CNTNAP2: variants seen among roughly 807,000 people sequenced by gnomAD.
CNTNAP2 encodes contactin-associated protein-like 2.
Under a neutral mutation model 155.2 loss-of-function variants are expected in CNTNAP2, and 98 were observed. The ratio of observed to expected loss-of-function variants is 0.63; its 90% CI spans 0.54 to 0.75. The LOEUF (loss-of-function observed/expected upper bound fraction) is 0.75. Ranked by LOEUF, CNTNAP2 falls within the 30% of genes least tolerant of loss-of-function variation. CNTNAP2 has a pLI of 0.00. For missense variants in CNTNAP2, 1,727 were observed against 1,688.1 expected, an observed-to-expected ratio of 1.02 and a Z score of -0.40; for synonymous variants, 651 against 631.2, an observed-to-expected ratio of 1.03 and a Z score of -0.47.
chr7:146,863,128 G>A (rs1795137262), intron 3 of CNTNAP2, among the ~76,000 whole-genome samples: 1 of 152,098 alleles, frequency 6.6e-6, no homozygotes, highest in Admixed American at 6.6e-5. Context: ...TTATGTCAAA[G>A]TATAGAATGA....
chr7:148,097,914 C>A (rs892733970), intron 15 of CNTNAP2, among the ~76,000 whole-genome samples: 1 of 152,084 alleles, frequency 6.6e-6, no homozygotes, highest in Non-Finnish European at 1.5e-5. Context: ...TCAGGATAAG[C>A]AAGCAGTACA....
intron 1 of CNTNAP2, among the ~76,000 whole-genome samples, chr7:146,338,867 T>A (rs935565517): frequency 6.7e-6 from 1 of 150,366 alleles, no homozygotes; most frequent in Non-Finnish European, 1.5e-5. Context: ...CTATATTAGA[T>A]ACAGAAAAGA....
chr7:147,868,758 G>A (rs1475561977), intron 13 of CNTNAP2, among the ~76,000 whole-genome samples: 1 of 152,220 alleles, frequency 6.6e-6, no homozygotes, highest in African/African-American at 2.4e-5. Context: ...AAGGCTCCAT[G>A]GGCATGGGAC....
intron 1 of CNTNAP2, among the ~76,000 whole-genome samples, chr7:146,163,403 G>T (rs777549013): frequency 2.0e-5 from 3 of 149,982 alleles, no homozygotes; most frequent in Admixed American, 6.7e-5. Context: ...GTGAAACTCC[G>T]TCTCTACTAA....
chr7:147,389,848 A>T (rs1174258336), intron 9 of CNTNAP2, among the ~76,000 whole-genome samples: 1 of 152,216 alleles, frequency 6.6e-6, no homozygotes, highest in Admixed American at 6.5e-5. Context: ...AGATATAACA[A>T]AAATACGCAA....
At chr7:148,146,512 T>G (rs1805181462) in intron 16 of CNTNAP2, among the ~76,000 whole-genome samples, 1 of 152,238 alleles carries the variant, frequency 6.6e-6, no homozygotes, top group Admixed American at 6.5e-5. Flanking sequence ...TGCCAATTGT[T>G]GAGAGGTGAC....
At chr7:148,268,324 C>T (rs1363541978) in intron 21 of CNTNAP2, among the ~76,000 whole-genome samples, 1 of 151,862 alleles carries the variant, frequency 6.6e-6, no homozygotes, top group Non-Finnish European at 1.5e-5. Flanking sequence ...CGGCAGGGGT[C>T]ACAAAATGAG....
At chr7:147,477,087 C>T (rs939059080) in intron 10 of CNTNAP2, among the ~76,000 whole-genome samples, 17 of 151,954 alleles carry the variant, frequency 1.1e-4, no homozygotes, top group Admixed American at 5.2e-4. Flanking sequence ...TTTCTTGTAT[C>T]TTTTTGTTAT....
At chr7:148,207,172 A>G (rs558033495) in intron 18 of CNTNAP2, among the ~76,000 whole-genome samples, 1 of 152,388 alleles carries the variant, frequency 6.6e-6, no homozygotes, top group East Asian at 1.9e-4. Flanking sequence ...TACTTGTTGG[A>G]ATAAAGTTAT....
intron 15 of CNTNAP2, among the ~76,000 whole-genome samples, chr7:148,035,163 T>G (rs1427309788): frequency 6.6e-6 from 1 of 152,146 alleles, no homozygotes; most frequent in Non-Finnish European, 1.5e-5. Flanking sequence ...AGCAGAAAGA[T>G]TTGGGAAATC....
rs575767747 is a variant in CNTNAP2 at position 146,532,163 on chromosome 7, T to C, written c.98-242108T>C. 2.0e-5 allele frequency among the ~76,000 whole-genome samples: 3 copies of C among 152,308 alleles called. No individual in the cohort carries two copies. In the East Asian group the frequency reaches 5.8e-4, roughly 29 times the overall value. ...AGAGAAATGAAAATAAATTATACTTTGATTCCTTCTTAACATGACAACAAA... is the reference window on the plus strand; with the variant it reads ...AGAGAAATGAAAATAAATTATACTTCGATTCCTTCTTAACATGACAACAAA... On this transcript the variant is annotated intron_variant, in intron 1 of 23. Transcript: ENST00000361727.
chr7:146,941,359 A>T (rs1797052648), intron 3 of CNTNAP2, among the ~76,000 whole-genome samples: 1 of 152,170 alleles, frequency 6.6e-6, no homozygotes, highest in African/African-American at 2.4e-5. Flanking sequence ...TTTGATCACA[A>T]AAAAGCAACT....
intron 8 of CNTNAP2, among the ~76,000 whole-genome samples, chr7:147,227,038 T>G (rs1327464157): frequency 2.6e-5 from 4 of 151,970 alleles, no homozygotes; most frequent in African/African-American, 9.7e-5. Context: ...ACAAATAAAG[T>G]AAGGAAGGGG....
rs548220734 is a variant in CNTNAP2, at chr7:147,237,049, C to CTTTTTTTTTTTTTT, written c.1349-63069_1349-63056dup. ...CCACTTCCTTTAGCCTTCACCTCCT[C>CTTTTTTTTTTTTTT]TTTTTTTTTTTTTTTTTTTTTTTTT... On this transcript the variant is annotated intron_variant, in intron 8 of 23. Transcript: ENST00000361727. Among the ~76,000 whole-genome samples, 44 of 57,476 alleles carry CTTTTTTTTTTTTTT rather than the reference C, an allele frequency of 7.7e-4. 10 individuals are homozygous for CTTTTTTTTTTTTTT. The highest frequency in any genetic ancestry group is 9.1e-4 in the Non-Finnish European group (27 of 29,592). The allele number at this position is 57,476 out of a possible 152,430, so 37.7% of individuals were successfully genotyped here.
At chr7:147,422,931 AT>A (rs1166701821) in intron 10 of CNTNAP2, among the ~76,000 whole-genome samples, 6 of 152,236 alleles carry the variant, frequency 3.9e-5, no homozygotes, top group African/African-American at 1.4e-4. Flanking sequence ...ACTTTACTGC[AT>A]ACAAGTTGGC....
chr7:147,150,818 TAATAAAGAA>T (rs1197722023), intron 8 of CNTNAP2, among the ~76,000 whole-genome samples: 1 of 152,006 alleles, frequency 6.6e-6, no homozygotes, highest in Non-Finnish European at 1.5e-5. Flanking sequence ...TCACACTGTA[TAATAAAGAA>T]AATAAACTGG....
chr7:146,208,367 C>G (rs992138100), intron 1 of CNTNAP2, among the ~76,000 whole-genome samples: 1 of 152,084 alleles, frequency 6.6e-6, no homozygotes, highest in South Asian at 2.1e-4. Context: ...ATATTTCACT[C>G]TCTTCTGTCA....
At chr7:147,042,977 G>A (rs1044517474) in intron 3 of CNTNAP2, among the ~76,000 whole-genome samples, 1 of 152,056 alleles carries the variant, frequency 6.6e-6, no homozygotes, top group Non-Finnish European at 1.5e-5. Flanking sequence ...ATATGAAGCT[G>A]AAACTGCTCA....
intron 16 of CNTNAP2, among the ~76,000 whole-genome samples, chr7:148,147,228 T>C (rs192524743): frequency 3.0e-4 from 45 of 152,342 alleles, no homozygotes; most frequent in Middle Eastern, 3.4e-3. Flanking sequence ...GGGTCAATGA[T>C]GGTCACATCT....
Sources: gnomAD v4.1 joint callset for allele counts (sites outside exome capture counted in the v4.1 genomes callset) on GRCh38, gnomAD v4.1.1 for gene constraint, MANE v1.5 for transcripts, NCBI Gene and HGNC (gene_info 2026-07-23, HGNC 2026-07-21) for gene names.